ELP4: variants seen among roughly 807,000 people sequenced by gnomAD.
ELP4 encodes the protein elongator complex protein 4.
In ELP4, 51 loss-of-function variants were observed where a neutral mutation model predicts 48.9. That is an observed-to-expected ratio of 1.04 (90% CI 0.83 to 1.32). The LOEUF (loss-of-function observed/expected upper bound fraction) is 1.32. Among genes scored for constraint, ELP4 ranks in the 40% most tolerant of loss-of-function variants. ELP4 has a pLI of 0.00. For missense variants in ELP4, 519 were observed against 514.6 expected, an observed-to-expected ratio of 1.01 and a Z score of -0.08; for synonymous variants, 210 against 189.2, an observed-to-expected ratio of 1.11 and a Z score of -0.90.
chr11:31,533,923 C>T (rs889379801), intron 2 of ELP4, among the ~76,000 whole-genome samples: 5 of 152,030 alleles, frequency 3.3e-5, no homozygotes, highest in African/African-American at 1.2e-4. Context: ...GCAAGCTCCT[C>T]CTCCCGGGTT....
chr11:31,701,918 G>A (rs556887205), intron 9 of ELP4, among the ~76,000 whole-genome samples: 3 of 151,914 alleles, frequency 2.0e-5, no homozygotes, highest in Non-Finnish European at 4.4e-5. Context: ...TAACTTTAGT[G>A]TTTATATATT....
chr11:31,601,728 CTCTT>C (rs1413955096), intron 4 of ELP4, among the ~76,000 whole-genome samples: 3 of 152,056 alleles, frequency 2.0e-5, no homozygotes, highest in Non-Finnish European at 4.4e-5. Flanking sequence ...AGTGAAAAGT[CTCTT>C]TCTTTCTCTC....
intron 9 of ELP4, among the ~76,000 whole-genome samples, chr11:31,755,240 T>C (rs1254711148): frequency 6.6e-6 from 1 of 152,154 alleles, no homozygotes; most frequent in African/African-American, 2.4e-5. Flanking sequence ...ATAAATAAAT[T>C]AATGAATTAG....
intron 1 of ELP4, among the ~76,000 whole-genome samples, chr11:31,519,153 C>T (rs758699198): frequency 9.2e-5 from 14 of 151,882 alleles, no homozygotes; most frequent in Non-Finnish European, 1.6e-4. Context: ...CTAGTAATAC[C>T]GAAAATGTAT....
At chr11:31,670,687 C>G (rs112998868) in intron 9 of ELP4, among the ~76,000 whole-genome samples, 1 of 152,064 alleles carries the variant, frequency 6.6e-6, no homozygotes, top group Non-Finnish European at 1.5e-5. Flanking sequence ...CAAAGGGAGG[C>G]TTTTGCGTTG....
At chr11:31,643,248 T>A (rs1283767837) in intron 7 of ELP4, among the ~76,000 whole-genome samples, 1 of 151,810 alleles carries the variant, frequency 6.6e-6, no homozygotes, top group African/African-American at 2.4e-5. Context: ...AAATCTGTTA[T>A]TTGTGCCATA....
chr11:31,752,824 A>G lies in ELP4; in HGVS notation c.1144-30569A>G, dbSNP rs1234919278. On this transcript the variant is annotated intron_variant, in intron 9 of 9. Transcript: ENST00000640961. ...ACTCCAGCCTGGACGACAGAGTGAG[A>G]CTCCATCTCAAAAAAAAAAAAAAAA... 2.2e-5 allele frequency among the ~76,000 whole-genome samples: 3 copies of G among 135,854 alleles called. No individual in the cohort carries two copies. The East Asian group carries it at 6.3e-4, about 28-fold the overall frequency. The allele number at this position is 135,854 out of a possible 152,430, so 89.1% of individuals were successfully genotyped here. A position where few individuals can be genotyped will look rare whatever the true frequency, so the allele number is the denominator to read the frequency against.
At chr11:31,572,445 A>G (rs950477750) in intron 3 of ELP4, among the ~76,000 whole-genome samples, 1 of 152,138 alleles carries the variant, frequency 6.6e-6, no homozygotes. Context: ...GATTTCACTT[A>G]TATTCCTTCA....
chr11:31,647,137 A>G (rs1945216591), intron 7 of ELP4: 1 of 151,746 alleles, frequency 6.6e-6, no homozygotes, highest in African/African-American at 2.4e-5. Flanking sequence ...TCCCTTTATT[A>G]TTATCCCAGA....
chr11:31,709,535 G>T lies in ELP4; in HGVS notation c.1143+59314G>T, dbSNP rs74607357. On this transcript the variant is annotated intron_variant, in intron 9 of 9. Transcript: ENST00000640961. Reference sequence around the variant, plus strand: ...CCCTCTCCCCAAGAAAGAGTTTATCGTGGTAATTAATATACCACACCTCAG... The same window carrying T: ...CCCTCTCCCCAAGAAAGAGTTTATCTTGGTAATTAATATACCACACCTCAG... 4.8e-3 allele frequency among the ~76,000 whole-genome samples: 736 copies of T among 152,158 alleles called. 2 individuals are homozygous for T. Among genetic ancestry groups the T allele is most frequent in the Admixed American group, 7.9e-3 (121 of 15,280 alleles).
intron 5 of ELP4, among the ~76,000 whole-genome samples, chr11:31,606,986 GGTT>G (rs1262947536): frequency 6.6e-6 from 1 of 152,298 alleles, no homozygotes; most frequent in East Asian, 1.9e-4. Flanking sequence ...GTTTAGATTA[GGTT>G]GTGAGGGTGG....
intron 3 of ELP4, among the ~76,000 whole-genome samples, chr11:31,590,187 G>A (rs765938702): frequency 4.6e-5 from 7 of 152,038 alleles, no homozygotes; most frequent in Non-Finnish European, 7.4e-5. Context: ...GTTTATTATC[G>A]AACACTGAAT....
At chr11:31,539,574 TA>T in intron 2 of ELP4, 87 bp from the exon 3 acceptor site, 1 of 1,355,480 alleles carries the variant, frequency 7.4e-7, no homozygotes, top group Non-Finnish European at 9.9e-7. Flanking sequence ...AAAAAAAATA[TA>T]AAAACATATG....
At chr11:31,598,270 G>C (rs1957712744) in intron 4 of ELP4, among the ~76,000 whole-genome samples, 1 of 151,760 alleles carries the variant, frequency 6.6e-6, no homozygotes, top group South Asian at 2.1e-4. Flanking sequence ...TTCTTTTATT[G>C]CTTATTATGA....
At chr11:31,735,864 T>G (rs1044206947) in intron 9 of ELP4, among the ~76,000 whole-genome samples, 2 of 151,994 alleles carry the variant, frequency 1.3e-5, no homozygotes, top group Non-Finnish European at 2.9e-5. Flanking sequence ...TGCTCATGAG[T>G]AGGAAGAATC....
intron 3 of ELP4, among the ~76,000 whole-genome samples, chr11:31,563,809 C>A (rs961231183): frequency 6.6e-6 from 1 of 151,984 alleles, no homozygotes; most frequent in African/African-American, 2.4e-5. Context: ...GCAGAAAGAA[C>A]CAAAACTCTG....
intron 3 of ELP4, among the ~76,000 whole-genome samples, chr11:31,544,750 C>T (rs979884157): frequency 4.6e-5 from 7 of 152,200 alleles, no homozygotes; most frequent in Non-Finnish European, 1.0e-4. Context: ...GGGAGGCACC[C>T]CCCAGTAGGG....
At chr11:31,695,249 A>G (rs1946374418) in intron 9 of ELP4, among the ~76,000 whole-genome samples, 1 of 152,152 alleles carries the variant, frequency 6.6e-6, no homozygotes, top group Non-Finnish European at 1.5e-5. Context: ...TTCAAAGTGA[A>G]TGCTTCCAGT....
chr11:31,561,393 C>G (rs1957022766), intron 3 of ELP4, among the ~76,000 whole-genome samples: 1 of 152,086 alleles, frequency 6.6e-6, no homozygotes, highest in Admixed American at 6.6e-5. Flanking sequence ...CATGGAATTT[C>G]TCATTTTAAG....
Sources: gnomAD v4.1 joint callset for allele counts (sites outside exome capture counted in the v4.1 genomes callset) on GRCh38, gnomAD v4.1.1 for gene constraint, MANE v1.5 for transcripts, NCBI Gene and HGNC (gene_info 2026-07-23, HGNC 2026-07-21) for gene names.